EDAR: variants seen among roughly 807,000 people sequenced by gnomAD.
The protein encoded by EDAR is tumor necrosis factor receptor superfamily member EDAR.
EDAR carries 38 observed loss-of-function variants against 51.3 expected under a neutral mutation model. The observed-to-expected ratio is 0.74, with a 90% CI of 0.57 to 0.97. The LOEUF is 0.97. EDAR is among the 50% of genes least tolerant of loss of function. EDAR has a pLI of 0.00. For synonymous variants in EDAR, 227 were observed against 242.1 expected, an observed-to-expected ratio of 0.94 and a Z score of 0.58; for missense variants, 528 against 595.0, an observed-to-expected ratio of 0.89 and a Z score of 1.17.
chr2:108,930,016 C>G (rs908450026), intron 3 of EDAR, 104 bp downstream of exon 3: 3 of 1,407,230 alleles, frequency 2.1e-6, no homozygotes, highest in Non-Finnish European at 1.9e-6. Flanking sequence ...GTTTGATATA[C>G]CCTGGCATCC....
intron 1 of EDAR, among the ~76,000 whole-genome samples, chr2:108,976,867 C>A (rs529521550): frequency 4.6e-5 from 7 of 152,118 alleles, no homozygotes; most frequent in African/African-American, 1.7e-4. Context: ...GCTCCAGGCT[C>A]CTCTTGTATT....
At chr2:108,970,582 A>C (rs1287838393) in intron 1 of EDAR, among the ~76,000 whole-genome samples, 1 of 152,064 alleles carries the variant, frequency 6.6e-6, no homozygotes, top group Non-Finnish European at 1.5e-5. Flanking sequence ...GGCAGGCCAC[A>C]CAGAGAATAA....
chr2:108,930,322 T>G, intron 2 of EDAR, 80 bp from the exon 3 acceptor site: 3 of 1,591,464 alleles, frequency 1.9e-6, no homozygotes, highest in Non-Finnish European at 1.7e-6. Context: ...AAGGTTGACA[T>G]AGGAAGGGGG....
rs753760717 is a variant in EDAR at position 108,900,490 on chromosome 2, G to GTTGCA, written c.1025-3266_1025-3262dup. The stretch of plus-strand genomic sequence containing the variant: ...AACCACTTGAACCTGGGAGGCAGAG[G>GTTGCA]TTGCAGTGAGCCAAGATCATGCCAT... On this transcript the variant is annotated intron_variant, in intron 11 of 11. Coordinates refer to ENST00000258443, the MANE Select transcript of EDAR (RefSeq NM_022336.4). 2.2e-4 allele frequency among the ~76,000 whole-genome samples: 34 copies of GTTGCA among 151,504 alleles called. 1 individual carries two copies. The highest frequency in any genetic ancestry group is 2.0e-4 in the East Asian group (1 of 5,116).
chr2:108,910,552 T>G lies in EDAR; in HGVS notation c.731-20A>C, dbSNP rs1057271925. ...CGTTGTCTGCAGGGAAATGGGGAGG[T>G]TGGGGAGATAGGAGTTAGAATTGGC... On this transcript the variant is annotated intron_variant, in intron 8 of 11. Coordinates refer to ENST00000258443, the MANE Select transcript of EDAR (RefSeq NM_022336.4). The G allele has an allele frequency of 6.9e-6, 11 of 1,602,992 alleles. No homozygotes were observed. The highest frequency in any genetic ancestry group is 1.3e-5 in the African/African-American group (1 of 74,478).
At chr2:108,898,737 G>A (rs1167719058) in intron 11 of EDAR, among the ~76,000 whole-genome samples, 1 of 152,012 alleles carries the variant, frequency 6.6e-6, no homozygotes, top group Non-Finnish European at 1.5e-5. Flanking sequence ...AAAAATAATA[G>A]AAAATGTAAA....
At chr2:108,948,451 A>G (rs1697756431) in intron 1 of EDAR, among the ~76,000 whole-genome samples, 1 of 152,204 alleles carries the variant, frequency 6.6e-6, no homozygotes, top group South Asian at 2.1e-4. Context: ...AATTCTCTGT[A>G]TTAGTCCGTT....
At chr2:108,971,196 G>C (rs1698225856) in intron 1 of EDAR, among the ~76,000 whole-genome samples, 2 of 152,136 alleles carry the variant, frequency 1.3e-5, no homozygotes, top group Non-Finnish European at 2.9e-5. Flanking sequence ...TGGATTCCTT[G>C]TTCCATGAGG....
chr2:108,939,621 C>T (rs3911434), intron 1 of EDAR, among the ~76,000 whole-genome samples: 3,981 of 152,242 alleles, frequency 0.026, 70 homozygotes, highest in Middle Eastern at 0.044. Context: ...TTAGGAAGTG[C>T]AGTCACAGTG....
At chr2:108,897,876 A>C (rs1424292642) in intron 11 of EDAR, among the ~76,000 whole-genome samples, 1 of 152,216 alleles carries the variant, frequency 6.6e-6, no homozygotes, top group Non-Finnish European at 1.5e-5. Context: ...AAATACAAGA[A>C]GTCTGAAAAG....
At chr2:108,963,534 T>G (rs1003199475) in intron 1 of EDAR, among the ~76,000 whole-genome samples, 3 of 152,136 alleles carry the variant, frequency 2.0e-5, no homozygotes, top group Non-Finnish European at 4.4e-5. Context: ...TTTCGTCTGG[T>G]AAAATTACAG....
intron 1 of EDAR, among the ~76,000 whole-genome samples, chr2:108,988,693 G>A (rs577768402): frequency 3.9e-5 from 6 of 152,302 alleles, no homozygotes; most frequent in African/African-American, 1.2e-4. Flanking sequence ...CTTAAAGCCT[G>A]TGAAGCACAC....
intron 1 of EDAR, among the ~76,000 whole-genome samples, chr2:108,949,054 T>C (rs1234981617): frequency 6.6e-6 from 1 of 152,210 alleles, no homozygotes; most frequent in Non-Finnish European, 1.5e-5. Flanking sequence ...ATGGCTTCAC[T>C]GCAGTCTCGA....
At chr2:108,948,367 T>C (rs1408330566) in intron 1 of EDAR, among the ~76,000 whole-genome samples, 1 of 152,244 alleles carries the variant, frequency 6.6e-6, no homozygotes, top group Non-Finnish European at 1.5e-5. Context: ...TCAACCTCTG[T>C]CTGTTACTCA....
chr2:108,898,864 CTA>C (rs1696650579), intron 11 of EDAR, among the ~76,000 whole-genome samples: 1 of 152,068 alleles, frequency 6.6e-6, no homozygotes, highest in African/African-American at 2.4e-5. Context: ...ATAATGGAAA[CTA>C]GAAGTGGAAA....
intron 1 of EDAR, among the ~76,000 whole-genome samples, chr2:108,968,509 C>T (rs1247655092): frequency 6.6e-6 from 1 of 152,144 alleles, no homozygotes; most frequent in Non-Finnish European, 1.5e-5. Flanking sequence ...AATATTCTGG[C>T]TTGTTGAGAA....
chr2:108,955,434 T>C (rs1349897419), intron 1 of EDAR, among the ~76,000 whole-genome samples: 1 of 152,232 alleles, frequency 6.6e-6, no homozygotes, highest in East Asian at 1.9e-4. Flanking sequence ...CCCTTATTTG[T>C]AGAGACATAT....
intron 1 of EDAR, among the ~76,000 whole-genome samples, chr2:108,984,674 C>A (rs918302906): frequency 3.3e-5 from 5 of 151,906 alleles, no homozygotes; most frequent in Non-Finnish European, 5.9e-5. Flanking sequence ...TTTCTACCTG[C>A]CCTGCTAGTT....
chr2:108,952,440 G>T (rs995291628), intron 1 of EDAR, among the ~76,000 whole-genome samples: 1 of 152,220 alleles, frequency 6.6e-6, no homozygotes, highest in Non-Finnish European at 1.5e-5. Flanking sequence ...TGCAGATTAG[G>T]AAGGTTCAAT....
Sources: allele counts gnomAD v4.1 joint callset (sites outside exome capture counted in the v4.1 genomes callset), GRCh38; gene constraint gnomAD v4.1.1; transcripts MANE v1.5; gene names NCBI Gene and HGNC (gene_info 2026-07-23, HGNC 2026-07-21).